The following RORA variants were observed in gnomAD, a reference collection of about 807,000 sequenced individuals.
The protein encoded by RORA is RAR related orphan receptor A, also known as nuclear receptor ROR-alpha.
A neutral mutation model predicts 69.5 loss-of-function variants in RORA; 7 were observed. The ratio of observed to expected loss-of-function variants is 0.10; its 90% CI spans 0.06 to 0.19. The LOEUF (loss-of-function observed/expected upper bound fraction) is 0.19. RORA is among the 10% of genes least tolerant of loss of function. The probability of loss-of-function intolerance (pLI) is 1.00; values close to 1 mark genes in which losing one functional copy is unlikely to be tolerated. For missense variants in RORA, 457 were observed against 663.0 expected, an observed-to-expected ratio of 0.69 and a Z score of 3.41; for synonymous variants, 261 against 240.8, an observed-to-expected ratio of 1.08 and a Z score of -0.78.
intron 1 of RORA, among the ~76,000 whole-genome samples, chr15:61,114,177 T>G (rs949312438): frequency 6.6e-6 from 1 of 152,126 alleles, no homozygotes; most frequent in African/African-American, 2.4e-5. Context: ...ACTTTTTTTT[T>G]AAACACCAGG....
chr15:60,996,071 G>GTT lies in RORA; in HGVS notation c.166+232980_166+232981dup, dbSNP rs35698487. Among the ~76,000 whole-genome samples, 28 of 135,314 alleles carry GTT rather than the reference G, an allele frequency of 2.1e-4. No homozygotes were observed. In the South Asian group the frequency reaches 3.2e-3, roughly 16 times the overall value. The allele number at this position is 135,314 out of a possible 152,430, so 88.8% of individuals were successfully genotyped here. A position where few individuals can be genotyped will look rare whatever the true frequency, so the allele number is the denominator to read the frequency against. ...GGAAATGATCTAGATCTTGTTTTTT[G>GTT]TTTTTTTTTTTTTTTTTGAGATGGA... On this transcript the variant is annotated intron_variant, in intron 1 of 10. Transcript: ENST00000335670.
intron 1 of RORA, among the ~76,000 whole-genome samples, chr15:61,036,361 G>A (rs1595901611): frequency 6.6e-6 from 1 of 152,244 alleles, no homozygotes; most frequent in East Asian, 1.9e-4. Context: ...CATCTCCATT[G>A]GTTTGCGTTT....
chr15:60,686,554 T>C (rs1214052470), intron 1 of RORA, among the ~76,000 whole-genome samples: 3 of 152,364 alleles, frequency 2.0e-5, no homozygotes. Flanking sequence ...AGGTGTGAAC[T>C]GATATCAACA....
intron 2 of RORA, among the ~76,000 whole-genome samples, chr15:60,554,236 G>A (rs2067299383): frequency 6.6e-6 from 1 of 152,112 alleles, no homozygotes; most frequent in East Asian, 1.9e-4. Flanking sequence ...AGGGCCTGGG[G>A]TACAGGATGG....
At chr15:60,547,859 T>C (rs1456201328) in intron 2 of RORA, 1 of 152,186 alleles carries the variant, frequency 6.6e-6, no homozygotes, top group African/African-American at 2.4e-5. Context: ...GCCTTTCCAG[T>C]TGACTGCTTT....
chr15:60,673,469 A>G (rs546673277), intron 2 of RORA, among the ~76,000 whole-genome samples: 1 of 152,390 alleles, frequency 6.6e-6, no homozygotes, highest in South Asian at 2.1e-4. Flanking sequence ...GCTGATTTGA[A>G]GAAACTAAAT....
In RORA at chr15:60,491,672, A is replaced by G. The variant is rs2065043425; in HGVS notation, c.*5783T>C. On this transcript the variant is annotated 3_prime_UTR_variant, in exon 11 of 11. Coordinates refer to ENST00000335670, the MANE Select transcript of RORA (RefSeq NM_134261.3). ...TGAAGTCAGGCTTCTGGATTCTTTTAAAAATTATTCTGAGAGCCTGACAAC... is the reference window on the plus strand; with the variant it reads ...TGAAGTCAGGCTTCTGGATTCTTTTGAAAATTATTCTGAGAGCCTGACAAC... 1 of 151,602 alleles carries G rather than the reference A, an allele frequency of 6.6e-6. No homozygotes were observed. The highest frequency in any genetic ancestry group is 2.4e-5 in the African/African-American group (1 of 41,204). The allele number at this position is 151,602 out of a possible 1,614,324, so 9.4% of individuals were successfully genotyped here.
intron 2 of RORA, among the ~76,000 whole-genome samples, chr15:60,652,567 G>T (rs1405215587): frequency 6.6e-6 from 1 of 152,200 alleles, no homozygotes; most frequent in African/African-American, 2.4e-5. Flanking sequence ...ATTTGCATAT[G>T]TGTCCTTCCA....
chr15:60,516,159 ATTT>A (rs1567052106), intron 3 of RORA, among the ~76,000 whole-genome samples: 6 of 29,734 alleles, frequency 2.0e-4, no homozygotes, highest in African/African-American at 7.1e-4. Context: ...ATATATATAT[ATTT>A]ATATATATAT....
At chr15:60,960,858 T>C (rs945175511) in intron 1 of RORA, among the ~76,000 whole-genome samples, 2 of 152,134 alleles carry the variant, frequency 1.3e-5, no homozygotes, top group African/African-American at 4.8e-5. Flanking sequence ...ACAGGTATTA[T>C]TTCAAATAAC....
At chr15:60,694,381 T>C (rs555821133) in intron 1 of RORA, among the ~76,000 whole-genome samples, 1 of 152,340 alleles carries the variant, frequency 6.6e-6, no homozygotes, top group Non-Finnish European at 1.5e-5. Flanking sequence ...GATGAGCATC[T>C]GAATTCTGGC....
At chr15:60,846,646 G>T (rs147315652) in intron 1 of RORA, among the ~76,000 whole-genome samples, 1 of 152,290 alleles carries the variant, frequency 6.6e-6, no homozygotes, top group Non-Finnish European at 1.5e-5. Context: ...ATCAAAAATG[G>T]TCAAGCTGCC....
intron 1 of RORA, among the ~76,000 whole-genome samples, chr15:60,887,166 G>C (rs1255124961): frequency 1.3e-5 from 2 of 152,058 alleles, no homozygotes; most frequent in African/African-American, 2.4e-5. Context: ...GAGAGAGAGA[G>C]AGAAAGAGAG....
In RORA at chr15:60,537,581, A is replaced by G. The variant is rs557625775; in HGVS notation, c.197-5730T>C. ...TCTCCATGTGGAAGGGGAACAGACCATCGACCTGGACCTGTGGCTTGGAAT... is the reference window on the plus strand; with the variant it reads ...TCTCCATGTGGAAGGGGAACAGACCGTCGACCTGGACCTGTGGCTTGGAAT... On this transcript the variant is annotated intron_variant, in intron 2 of 10. Coordinates refer to ENST00000335670, the MANE Select transcript of RORA (RefSeq NM_134261.3). The surrounding 1 kb of genome is among the most constrained non-coding windows in gnomAD (Gnocchi z 4.9). 7.0e-4 allele frequency among the ~76,000 whole-genome samples: 107 copies of G among 152,296 alleles called. No homozygotes were observed. Among genetic ancestry groups the G allele is most frequent in the African/African-American group, 2.4e-3 (100 of 41,556 alleles).
intron 1 of RORA, among the ~76,000 whole-genome samples, chr15:60,925,073 T>G (rs933299498): frequency 1.8e-4 from 27 of 149,808 alleles, no homozygotes; most frequent in African/African-American, 5.2e-4. Context: ...AGCAAGCTTC[T>G]GTCTCAAAAA....
At position 61,128,517 on chromosome 15, in the gene RORA, A is replaced by G. The variant is rs1339459082; in HGVS notation, c.166+100536T>C. Among the ~76,000 whole-genome samples, 1 of 152,174 alleles carries G rather than the reference A, an allele frequency of 6.6e-6. No homozygotes were observed. Among genetic ancestry groups the G allele is most frequent in the Non-Finnish European group, 1.5e-5 (1 of 68,036 alleles). On this transcript the variant is annotated intron_variant, in intron 1 of 10. Coordinates refer to ENST00000335670, the MANE Select transcript of RORA (RefSeq NM_134261.3). The surrounding 1 kb of genome is among the most constrained non-coding windows in gnomAD (Gnocchi z 4.5). ...ATAATTACAGATACCATGAGCACAG[A>G]CCTATGACGCTGTTGATTACGTTAG...
At chr15:60,878,731 T>C (rs28626565) in intron 1 of RORA, among the ~76,000 whole-genome samples, 14,549 of 152,238 alleles carry the variant, frequency 0.096, 1,661 homozygotes, top group African/African-American at 0.28. Context: ...TTGGAAGCAA[T>C]ACTCCTGTAA....
intron 1 of RORA, among the ~76,000 whole-genome samples, chr15:60,752,374 AG>A (rs1362915237): frequency 2.0e-5 from 3 of 152,262 alleles, no homozygotes; most frequent in South Asian, 2.1e-4. Flanking sequence ...GACGTGTGAA[AG>A]GAAAGTGTGG....
At chr15:60,630,092 G>A (rs1484445268) in intron 2 of RORA, among the ~76,000 whole-genome samples, 1 of 152,198 alleles carries the variant, frequency 6.6e-6, no homozygotes, top group Non-Finnish European at 1.5e-5. Context: ...CTAGAAAAAT[G>A]AGATAATGAG....
Sources: allele counts gnomAD v4.1 joint callset (sites outside exome capture counted in the v4.1 genomes callset), GRCh38; gene constraint gnomAD v4.1.1; non-coding constraint Gnocchi (gnomAD v3.1); transcripts MANE v1.5; gene names NCBI Gene and HGNC (gene_info 2026-07-23, HGNC 2026-07-21).